The following LINC00305 variants were observed in gnomAD, a reference collection of about 807,000 sequenced individuals.
The protein encoded by LINC00305 is long independently transcribed non-coding RNA 305, also known as long intergenic non-protein coding RNA 305.
At chr18:64,102,943 G>T (rs1202247610) in intron 1 of LINC00305, among the ~76,000 whole-genome samples, 1 of 152,148 alleles carries the variant, frequency 6.6e-6, no homozygotes, top group Non-Finnish European at 1.5e-5. Flanking sequence ...GTGAGATTTG[G>T]TTGGGGACAC....
At chr18:64,124,148 C>T (rs2051374501) in intron 1 of LINC00305, among the ~76,000 whole-genome samples, 1 of 152,160 alleles carries the variant, frequency 6.6e-6, no homozygotes, top group Non-Finnish European at 1.5e-5. Context: ...AGATATTCCC[C>T]TTGCTCCTCA....
chr18:64,132,296 G>T (rs1419926755), intron 1 of LINC00305, among the ~76,000 whole-genome samples: 1 of 152,206 alleles, frequency 6.6e-6, no homozygotes, highest in Non-Finnish European at 1.5e-5. Flanking sequence ...ATTAGCAGTA[G>T]CTCTATTGTT....
intron 1 of LINC00305, among the ~76,000 whole-genome samples, chr18:64,114,321 G>A (rs2051328278): frequency 6.6e-6 from 1 of 152,118 alleles, no homozygotes; most frequent in Non-Finnish European, 1.5e-5. Flanking sequence ...GTATATTTAG[G>A]AATGTCTTCT....
chr18:64,106,270 G>A (rs2051290299), intron 1 of LINC00305, among the ~76,000 whole-genome samples: 1 of 152,082 alleles, frequency 6.6e-6, no homozygotes, highest in Non-Finnish European at 1.5e-5. Flanking sequence ...GCATCTCCCA[G>A]CATGTTTCTG....
At chr18:64,087,417 C>T (rs1468907523) in intron 3 of LINC00305, among the ~76,000 whole-genome samples, 1 of 152,048 alleles carries the variant, frequency 6.6e-6, no homozygotes. Context: ...TAAACTGAAA[C>T]CATAGAAGCT....
intron 3 of LINC00305, among the ~76,000 whole-genome samples, chr18:64,086,998 T>C (rs1345401178): frequency 2.0e-5 from 3 of 152,040 alleles, no homozygotes; most frequent in African/African-American, 7.2e-5. Flanking sequence ...AAAGAGAGGG[T>C]CTATAATGTG....
At chr18:64,127,118 A>G (rs892363093) in intron 1 of LINC00305, among the ~76,000 whole-genome samples, 2 of 152,104 alleles carry the variant, frequency 1.3e-5, no homozygotes, top group African/African-American at 4.8e-5. Context: ...ACCAAATAAC[A>G]TGTTAGGTGT....
At chr18:64,143,556 GTGTACATA>G (rs1568120017) in intron 1 of LINC00305, among the ~76,000 whole-genome samples, 1 of 8,296 alleles carries the variant, frequency 1.2e-4, no homozygotes, top group Non-Finnish European at 2.2e-4. Context: ...CACATATTAT[GTGTACATA>G]TATACACATA....
intron 1 of LINC00305, among the ~76,000 whole-genome samples, chr18:64,114,521 A>G (rs987283844): frequency 6.6e-6 from 1 of 152,152 alleles, no homozygotes; most frequent in African/African-American, 2.4e-5. Flanking sequence ...GTACTTATTC[A>G]TAAAAATATT....
chr18:64,104,652 C>T (rs1434239727), intron 1 of LINC00305, among the ~76,000 whole-genome samples: 1 of 152,192 alleles, frequency 6.6e-6, no homozygotes, highest in Non-Finnish European at 1.5e-5. Flanking sequence ...GTAGCAAGGA[C>T]TCTACCTACC....
rs555143450 is a variant in LINC00305, at chr18:64,102,639, C to T, written n.315-3999G>A. 1.3e-4 allele frequency among the ~76,000 whole-genome samples: 20 copies of T among 152,230 alleles called. No individual in the cohort carries two copies. The Middle Eastern group carries it at 0.01, about 78-fold the overall frequency. Reference sequence around the variant, plus strand: ...TATAAAGAAAGAGATTTAACTGGCTCATGGTTCTGCAGGCTATATAGGAAG... The same window carrying T: ...TATAAAGAAAGAGATTTAACTGGCTTATGGTTCTGCAGGCTATATAGGAAG... On this transcript the variant is annotated intron_variant and non_coding_transcript_variant, in intron 1 of 3. Transcript: ENST00000666468.
At chr18:64,104,129 T>A (rs1256548725) in intron 1 of LINC00305, 1 of 152,204 alleles carries the variant, frequency 6.6e-6, no homozygotes, top group Non-Finnish European at 1.5e-5. Context: ...CATTGTCTAA[T>A]ACCACCCAGA....
chr18:64,132,360 CT>C (rs1242027158), intron 1 of LINC00305, among the ~76,000 whole-genome samples: 4 of 152,190 alleles, frequency 2.6e-5, no homozygotes, highest in African/African-American at 9.6e-5. Context: ...TTTATTTTCT[CT>C]TGGTTCCTTA....
At chr18:64,110,764 A>C (rs1010015364) in intron 1 of LINC00305, among the ~76,000 whole-genome samples, 1 of 152,226 alleles carries the variant, frequency 6.6e-6, no homozygotes, top group Non-Finnish European at 1.5e-5. Context: ...AATAAACAAC[A>C]AAAGAGCCTT....
chr18:64,098,097 A>G (rs1416952295), intron 2 of LINC00305: 2 of 429,486 alleles, frequency 4.7e-6, no homozygotes, highest in Admixed American at 4.9e-5. Flanking sequence ...ACAGAGGCAA[A>G]GTTCTCTGAC....
chr18:64,121,306 T>C (rs547419335), intron 1 of LINC00305, among the ~76,000 whole-genome samples: 1 of 152,052 alleles, frequency 6.6e-6, no homozygotes, highest in South Asian at 2.1e-4. Context: ...CCAAATAACG[T>C]ACGCTGTACC....
At chr18:64,128,198 A>G (rs1432082663) in intron 1 of LINC00305, among the ~76,000 whole-genome samples, 1 of 152,156 alleles carries the variant, frequency 6.6e-6, no homozygotes, top group Admixed American at 6.6e-5. Flanking sequence ...AGATTTAAAT[A>G]GAAAAGGTGA....
intron 1 of LINC00305, among the ~76,000 whole-genome samples, chr18:64,129,750 C>A (rs539496523): frequency 6.6e-6 from 1 of 152,182 alleles, no homozygotes; most frequent in Admixed American, 6.6e-5. Flanking sequence ...TTACTTAGTT[C>A]ATGGACAATT....
chr18:64,116,869 T>C (rs2051340075), intron 1 of LINC00305, among the ~76,000 whole-genome samples: 1 of 152,172 alleles, frequency 6.6e-6, no homozygotes, highest in African/African-American at 2.4e-5. Context: ...GGGCCTTCCA[T>C]GGAAATGAGT....
Sources: allele counts gnomAD v4.1 joint callset (sites outside exome capture counted in the v4.1 genomes callset), GRCh38; gene constraint gnomAD v4.1.1; transcripts MANE v1.5; gene names NCBI Gene and HGNC (gene_info 2026-07-23, HGNC 2026-07-21).